The following CCDC144A variants were observed in gnomAD, a reference collection of about 807,000 sequenced individuals.
The protein encoded by CCDC144A is coiled-coil domain-containing protein 144A.
Under a neutral mutation model 143.8 loss-of-function variants are expected in CCDC144A, and 41 were observed. The observed-to-expected ratio is 0.29, with a 90% CI of 0.22 to 0.37. CCDC144A has a LOEUF of 0.37. Ranked by LOEUF, CCDC144A falls within the 10% of genes least tolerant of loss-of-function variation. The pLI, the probability that CCDC144A is intolerant of heterozygous loss-of-function variation, is 1.00. For synonymous variants in CCDC144A, 242 were observed against 517.9 expected, an observed-to-expected ratio of 0.47 and a Z score of 7.23; for missense variants, 637 against 1,488.8, an observed-to-expected ratio of 0.43 and a Z score of 9.41.
In CCDC144A at chr17:16,699,424, G is replaced by C. The variant is rs919789427; in HGVS notation, c.416-5727G>C. Reference sequence around the variant, plus strand: ...GGAGTCTCGCTCTTCCACCCAGGCGGGACTGCAGTGGCGCTATCTCGGCTC... The same window carrying C: ...GGAGTCTCGCTCTTCCACCCAGGCGCGACTGCAGTGGCGCTATCTCGGCTC... On this transcript the variant is annotated intron_variant, in intron 2 of 16. Coordinates refer to ENST00000399273, the MANE Select transcript of CCDC144A (RefSeq NM_001382000.1). Among the ~76,000 whole-genome samples, 213 of 144,148 alleles carry C rather than the reference G, an allele frequency of 1.5e-3. 1 individual carries two copies. The highest frequency in any genetic ancestry group is 5.3e-3 in the African/African-American group (201 of 37,960). The allele number at this position is 144,148 out of a possible 152,430, so 94.6% of individuals were successfully genotyped here.
At chr17:16,751,111 A>C (rs397842927) in intron 12 of CCDC144A, among the ~76,000 whole-genome samples, 7 of 152,198 alleles carry the variant, frequency 4.6e-5, no homozygotes, top group Non-Finnish European at 1.0e-4. Context: ...GATTTGTTGA[A>C]TTGCTAGAGT....
At chr17:16,680,606 AGGAAGGAAGGAATGAG>A in the CCDC144A span, among the ~76,000 whole-genome samples, 1 of 143,398 alleles carries the variant, frequency 7.0e-6, no homozygotes, top group African/African-American at 2.5e-5. Context: ...ATAAAGAAAA[AGGAAGGAAGGAATGAG>A]GGAAGGAAGG....
chr17:16,742,267 C>CT (rs772804880), intron 12 of CCDC144A, among the ~76,000 whole-genome samples: 77 of 152,138 alleles, frequency 5.1e-4, no homozygotes, highest in Non-Finnish European at 1.0e-3. Context: ...CTTCCGTGAA[C>CT]TTTTTTTTAA....
At chr17:16,698,826 C>A (rs988726446) in intron 2 of CCDC144A, among the ~76,000 whole-genome samples, 1 of 152,166 alleles carries the variant, frequency 6.6e-6, no homozygotes, top group African/African-American at 2.4e-5. Context: ...GCAGTTTAGA[C>A]AAACTGACAT....
the CCDC144A span, among the ~76,000 whole-genome samples, chr17:16,671,691 A>T: frequency 6.6e-6 from 1 of 152,014 alleles, no homozygotes; most frequent in Non-Finnish European, 1.5e-5. Flanking sequence ...GTGGATATGG[A>T]TATATTATCT....
the CCDC144A span, among the ~76,000 whole-genome samples, chr17:16,670,291 C>CTTTTTTTTTT: frequency 1.1e-4 from 14 of 127,890 alleles, no homozygotes; most frequent in Non-Finnish European, 1.8e-4. Flanking sequence ...TTTCTTTTTT[C>CTTTTTTTTTT]TTTTTTTTTT....
chr17:16,742,727 GTT>G lies in CCDC144A; in HGVS notation c.3372+7089_3372+7090del, dbSNP rs554826304. 3.6e-3 allele frequency among the ~76,000 whole-genome samples: 552 copies of G among 152,000 alleles called. 2 individuals carry two copies. Among genetic ancestry groups the G allele is most frequent in the African/African-American group, 0.012 (502 of 41,434 alleles). ...AGGATTTTTTACTTCTGGTTTCTTT[GTT>G]TTTTGTTTTTTGATTTTTTTTGATA... On this transcript the variant is annotated intron_variant, in intron 12 of 16. Coordinates refer to ENST00000399273, the MANE Select transcript of CCDC144A (RefSeq NM_001382000.1).
At chr17:16,737,137 C>A (rs1299885743) in intron 12 of CCDC144A, among the ~76,000 whole-genome samples, 2 of 138,854 alleles carry the variant, frequency 1.4e-5, no homozygotes, top group East Asian at 2.2e-4. Context: ...TGATGTTTTT[C>A]AAAGTATATG....
intron 8 of CCDC144A, among the ~76,000 whole-genome samples, chr17:16,722,214 G>GT (rs961079023): frequency 1.3e-5 from 2 of 152,018 alleles, no homozygotes; most frequent in African/African-American, 4.8e-5. Flanking sequence ...GGTTCTTTTA[G>GT]TTTTTTAATG....
chr17:16,761,347 A>T (rs1915357012), intron 12 of CCDC144A, 78 bp from the exon 13 acceptor site: 32 of 1,502,248 alleles, frequency 2.1e-5, no homozygotes, highest in Non-Finnish European at 2.7e-5. Flanking sequence ...AAAAAAAAAA[A>T]AAAAATTATT....
At chr17:16,748,626 T>A (rs1366530148) in intron 12 of CCDC144A, among the ~76,000 whole-genome samples, 1 of 152,192 alleles carries the variant, frequency 6.6e-6, no homozygotes, top group African/African-American at 2.4e-5. Context: ...GGGAGAAGTA[T>A]CTCCTCAATA....
intron 1 of CCDC144A, among the ~76,000 whole-genome samples, chr17:16,691,562 G>C (rs1363856943): frequency 8.6e-5 from 13 of 151,842 alleles, no homozygotes; most frequent in East Asian, 7.8e-4. Context: ...GTGATTGAGA[G>C]CATCCTGGCT....
chr17:16,756,971 G>A (rs4792773), intron 12 of CCDC144A, among the ~76,000 whole-genome samples: 23,857 of 149,910 alleles, frequency 0.16, 2,229 homozygotes, highest in African/African-American at 0.35. Flanking sequence ...CCTTGATGGT[G>A]ATGGGGAGGA....
chr17:16,739,428 C>T (rs1914161357), intron 12 of CCDC144A, among the ~76,000 whole-genome samples: 1 of 150,408 alleles, frequency 6.6e-6, no homozygotes, highest in South Asian at 2.1e-4. Context: ...TCTTGATGGT[C>T]TCTGTTCAAG....
At chr17:16,723,264 G>A (rs972506514) in intron 8 of CCDC144A, among the ~76,000 whole-genome samples, 20 of 151,986 alleles carry the variant, frequency 1.3e-4, no homozygotes, top group African/African-American at 2.9e-4. Flanking sequence ...TATCAAAGTT[G>A]TCATGTTTAG....
chr17:16,709,761 G>T (rs1455079007), intron 5 of CCDC144A, 126 bp downstream of exon 5: 10 of 1,372,146 alleles, frequency 7.3e-6, no homozygotes, highest in African/African-American at 2.9e-5. Flanking sequence ...ATTGTGTGTA[G>T]AAACAGATGA....
intron 12 of CCDC144A, chr17:16,746,710 C>T: frequency 1.3e-5 from 21 of 1,611,874 alleles, no homozygotes; most frequent in Non-Finnish European, 1.7e-5. Context: ...GGCGCAGCTG[C>T]TCCTCCAGCT....
At chr17:16,685,201 G>A (rs552380656), upstream of CCDC144A, among the ~76,000 whole-genome samples, 3 of 152,130 alleles carry the variant, frequency 2.0e-5, no homozygotes, top group African/African-American at 7.2e-5. Flanking sequence ...TGGTTTTTGT[G>A]TTTTTGGTAG....
chr17:16,715,193 G>A (rs1049657681), intron 6 of CCDC144A, among the ~76,000 whole-genome samples: 1 of 150,396 alleles, frequency 6.6e-6, no homozygotes, highest in Non-Finnish European at 1.5e-5. Flanking sequence ...TAGGATGTTT[G>A]TGTGCCTAGA....
Sources: gnomAD v4.1 joint callset for allele counts (sites outside exome capture counted in the v4.1 genomes callset) on GRCh38, gnomAD v4.1.1 for gene constraint, MANE v1.5 for transcripts, NCBI Gene and HGNC (gene_info 2026-07-23, HGNC 2026-07-21) for gene names.